MKLN1: variants seen among roughly 807,000 people sequenced by gnomAD.
The protein encoded by MKLN1 is muskelin.
In MKLN1, 18 loss-of-function variants were observed where a neutral mutation model predicts 99.0. The observed-to-expected ratio is 0.18, with a 90% CI of 0.13 to 0.27. The LOEUF (loss-of-function observed/expected upper bound fraction) is 0.27, where lower values mean the gene tolerates loss of function less well. Ranked by LOEUF, MKLN1 falls within the 10% of genes least tolerant of loss-of-function variation. MKLN1 has a pLI of 1.00. For synonymous variants in MKLN1, 288 were observed against 293.2 expected (o/e 0.98, Z 0.18); for missense variants, 621 against 875.9 (o/e 0.71, Z 3.67).
At chr7:131,480,283 TAATATA>T (rs1418411884) in intron 17 of MKLN1, among the ~76,000 whole-genome samples, 2 of 152,232 alleles carry the variant, frequency 1.3e-5, no homozygotes, top group Admixed American at 1.3e-4. Flanking sequence ...CCATTGTATG[TAATATA>T]AATACTATTT....
chr7:131,483,145 G>A (rs1228993647), intron 17 of MKLN1, among the ~76,000 whole-genome samples: 1 of 152,192 alleles, frequency 6.6e-6, no homozygotes, highest in East Asian at 1.9e-4. Context: ...TTAGGAGCAT[G>A]AGGTTTAGAA....
chr7:131,160,491 TA>T (rs1273089664), intron 2 of MKLN1, among the ~76,000 whole-genome samples: 7 of 113,534 alleles, frequency 6.2e-5, no homozygotes, highest in Non-Finnish European at 1.3e-4. Flanking sequence ...TTATTATTAT[TA>T]ATTATTATTA....
intron 1 of MKLN1, among the ~76,000 whole-genome samples, chr7:131,116,960 T>A (rs1795286840): frequency 6.6e-6 from 1 of 152,146 alleles, no homozygotes; most frequent in African/African-American, 2.4e-5. Flanking sequence ...ATTTATCAAA[T>A]TTTTAAATGT....
At chr7:131,354,366 C>A (rs955879225) in intron 1 of MKLN1, among the ~76,000 whole-genome samples, 4 of 151,872 alleles carry the variant, frequency 2.6e-5, no homozygotes, top group Non-Finnish European at 5.9e-5. Context: ...AATATTCTTC[C>A]TTCATTTCCT....
chr7:131,479,204 A>T (rs540239172), intron 17 of MKLN1, among the ~76,000 whole-genome samples: 1 of 152,118 alleles, frequency 6.6e-6, no homozygotes, highest in Non-Finnish European at 1.5e-5. Flanking sequence ...CTTTAGTCTT[A>T]ATTTAGTAAT....
rs202090671 is a variant in MKLN1 at position 131,192,098 on chromosome 7, G to A, written c.-296-10759G>A. Among the ~76,000 whole-genome samples the A allele has an allele frequency of 1.4e-4, 10 of 72,930 alleles. 2 individuals are homozygous for A. Among genetic ancestry groups the A allele is most frequent in the East Asian group, 4.7e-4 (2 of 4,250 alleles). 47.8% of individuals were successfully genotyped at this position (72,930 alleles called of 152,430 possible). ...ATATACATATATATTATATATATAT[G>A]TATATATATATTATATATATACGTA... On this transcript the variant is annotated intron_variant, in intron 2 of 7. Coordinates refer to the MKLN1 transcript ENST00000416992.
At position 131,399,353 on chromosome 7, in the gene MKLN1, T is replaced by C. The variant is rs776231967; in HGVS notation, c.623T>C (p.Met208Thr). The C allele has an allele frequency of 1.9e-6, 3 of 1,614,016 alleles. No homozygotes were observed. Among genetic ancestry groups the C allele is most frequent in the East Asian group, 2.2e-5 (1 of 44,848 alleles). ...ACCAAGATTGCACTGGAACATCCCA[T>C]GTTAACAGATATTCATGACAAGCTG... is the stretch of plus-strand genomic sequence containing the variant. ...KKTKIALEHP[M>T]LTDIHDKLVL... is the part of the protein sequence containing the mutation. The change falls in exon 6 of 18, where the codon ATG becomes ACG. Residue 208 changes from methionine (M) to threonine (T), a missense_variant. Met to Thr is a moderately conservative substitution (Grantham distance 81). Transcript: ENST00000352689.
At chr7:131,470,506 G>T (rs1300961234) in intron 15 of MKLN1, among the ~76,000 whole-genome samples, 3 of 152,148 alleles carry the variant, frequency 2.0e-5, no homozygotes, top group Non-Finnish European at 2.9e-5. Flanking sequence ...ATTTTCTGAA[G>T]TTCTGTTTTA....
At chr7:131,135,280 G>A (rs1428451783) in intron 1 of MKLN1, among the ~76,000 whole-genome samples, 2 of 152,030 alleles carry the variant, frequency 1.3e-5, no homozygotes, top group African/African-American at 2.4e-5. Flanking sequence ...CCACCACCAC[G>A]CCCGGCTAAT....
intron 8 of MKLN1, among the ~76,000 whole-genome samples, chr7:131,418,171 C>T (rs1425888082): frequency 6.6e-6 from 1 of 151,890 alleles, no homozygotes; most frequent in Non-Finnish European, 1.5e-5. Flanking sequence ...GAGTTCTAGA[C>T]CAGCCTGGCC....
At chr7:131,270,325 CAAT>C (rs1175309853) in intron 3 of MKLN1, among the ~76,000 whole-genome samples, 2 of 152,130 alleles carry the variant, frequency 1.3e-5, no homozygotes, top group Non-Finnish European at 2.9e-5. Context: ...CAGTTTCAAG[CAAT>C]TCTCCTGCCT....
intron 3 of MKLN1, among the ~76,000 whole-genome samples, chr7:131,321,835 A>C (rs988025729): frequency 6.6e-6 from 1 of 152,244 alleles, no homozygotes; most frequent in Admixed American, 6.5e-5. Flanking sequence ...AAGACAGCTC[A>C]AAGAAAGGGA....
intron 6 of MKLN1, among the ~76,000 whole-genome samples, chr7:131,410,758 C>T (rs530350950): frequency 1.3e-5 from 2 of 152,154 alleles, no homozygotes; most frequent in South Asian, 4.2e-4. Flanking sequence ...ATATAATTCT[C>T]CTAATCTTTA....
intron 8 of MKLN1, among the ~76,000 whole-genome samples, chr7:131,415,364 C>T (rs1386872586): frequency 6.6e-6 from 1 of 151,904 alleles, no homozygotes; most frequent in Non-Finnish European, 1.5e-5. Flanking sequence ...AATGAATGCT[C>T]AATTATACTG....
chr7:131,117,685 G>A (rs1301669585), intron 1 of MKLN1, among the ~76,000 whole-genome samples: 1 of 152,216 alleles, frequency 6.6e-6, no homozygotes, highest in Non-Finnish European at 1.5e-5. Flanking sequence ...AGATAAAATA[G>A]AGCAGAGAAT....
chr7:131,219,472 T>A (rs1236726188), intron 3 of MKLN1, among the ~76,000 whole-genome samples: 2 of 152,214 alleles, frequency 1.3e-5, no homozygotes, highest in Non-Finnish European at 2.9e-5. Context: ...ATTTGAAATT[T>A]GTCCTGGTCA....
At chr7:131,349,451 T>G (rs979089329) in intron 1 of MKLN1, among the ~76,000 whole-genome samples, 1 of 152,216 alleles carries the variant, frequency 6.6e-6, no homozygotes, top group Non-Finnish European at 1.5e-5. Flanking sequence ...TGCCTCAGCC[T>G]CCCAAAGTGC....
chr7:131,157,185 G>A (rs1456862303), intron 2 of MKLN1, among the ~76,000 whole-genome samples: 1 of 152,074 alleles, frequency 6.6e-6, no homozygotes, highest in African/African-American at 2.4e-5. Context: ...TTCAAAACCA[G>A]TCCGGGCAAC....
At chr7:131,408,667 C>G (rs1413742812) in intron 6 of MKLN1, among the ~76,000 whole-genome samples, 1 of 151,990 alleles carries the variant, frequency 6.6e-6, no homozygotes, top group African/African-American at 2.4e-5. Flanking sequence ...TTCTGTGTTG[C>G]CCAGACTGGT....
Sources: gnomAD v4.1 joint callset for allele counts (sites outside exome capture counted in the v4.1 genomes callset) on GRCh38, gnomAD v4.1.1 for gene constraint, MANE v1.5 for transcripts, NCBI Gene and HGNC (gene_info 2026-07-23, HGNC 2026-07-21) for gene names.